Variants in EYS observed in about 807,000 individuals in gnomAD.
EYS encodes EGF-like photoreceptor maintenance factor.
A neutral mutation model predicts 282.1 loss-of-function variants in EYS; 250 were observed. The ratio of observed to expected loss-of-function variants is 0.89; its 90% CI spans 0.80 to 0.98. The LOEUF (loss-of-function observed/expected upper bound fraction) is 0.98. Among genes scored for constraint, EYS ranks in the 50% least tolerant of loss-of-function variants. EYS has a pLI of 0.00. For synonymous variants in EYS, 1,355 were observed against 1,282.9 expected (o/e 1.06, Z -1.20); for missense variants, 4,016 against 3,709.0 (o/e 1.08, Z -2.15).
At chr6:64,750,587 C>A (rs528767030) in intron 22 of EYS, among the ~76,000 whole-genome samples, 11 of 152,058 alleles carry the variant, frequency 7.2e-5, no homozygotes, top group Non-Finnish European at 1.6e-4. Flanking sequence ...CTGGATGGAT[C>A]AGCTTAAAAT....
At chr6:64,626,336 T>C in intron 22 of EYS, 91 bp from the exon 23 acceptor site, 1 of 1,442,376 alleles carries the variant, frequency 6.9e-7, no homozygotes, top group Middle Eastern at 1.8e-4. Flanking sequence ...TCAAACGTGT[T>C]TTCAGAGCTC....
intron 22 of EYS, among the ~76,000 whole-genome samples, chr6:64,784,103 TAA>T (rs538154107): frequency 2.0e-4 from 31 of 152,214 alleles, no homozygotes; most frequent in Non-Finnish European, 2.9e-4. Context: ...TCCCAACACT[TAA>T]GTTATTTTTA....
chr6:65,114,399 G>C (rs975615), intron 12 of EYS, among the ~76,000 whole-genome samples: 37,961 of 146,970 alleles, frequency 0.26, 6,341 homozygotes, highest in African/African-American at 0.44. Flanking sequence ...TTTAGTTCCA[G>C]AAGGACTTGA....
Position 63,864,242 on chromosome 6 carries a change from C to T in EYS, c.7172G>A (p.Gly2391Glu), listed in dbSNP as rs1302944100. 1 of 1,550,932 alleles carries T rather than the reference C, an allele frequency of 6.4e-7. No individual in the cohort carries two copies. The change falls in exon 36 of 43, where the codon GGA becomes GAA. Residue 2391 changes from glycine to glutamate, a missense_variant. By Grantham distance (98) the Gly-to-Glu change is moderately conservative (BLOSUM62 -2). Transcript: ENST00000503581. ...TGGGCAGAGGCAGACAATATCTGTT[C>T]CGGATTTTGGAACACAGGTGGCACC... is the stretch of plus-strand genomic sequence containing the variant. ...GNGATCVPKS[G>E]TDIVCLCPYG...
chr6:64,085,334 G>GACACACACACA (rs1562192666), intron 31 of EYS, among the ~76,000 whole-genome samples: 2 of 69,644 alleles, frequency 2.9e-5, no homozygotes, highest in African/African-American at 1.3e-4. Context: ...GTGCGCACGT[G>GACACACACACA]CGCGCGCACA....
At chr6:63,763,235 G>A (rs942926833) in intron 40 of EYS, among the ~76,000 whole-genome samples, 4 of 152,044 alleles carry the variant, frequency 2.6e-5, no homozygotes, top group Non-Finnish European at 4.4e-5. Context: ...TCTGGCTAGA[G>A]CAGAAGCTGA....
In EYS at chr6:64,695,186, G is replaced by A. The variant is rs190858700; in HGVS notation, c.3444-68941C>T. Among the ~76,000 whole-genome samples the A allele has an allele frequency of 1.2e-4, 19 of 152,052 alleles. No individual in the cohort carries two copies. In the East Asian group the frequency reaches 3.5e-3, roughly 28 times the overall value. ...AGGACTGGGACCACTGAGAGTTCCA[G>A]GGCCTAAACCATAGCCTGGGACACT... On this transcript the variant is annotated intron_variant, in intron 22 of 42. Transcript: ENST00000503581.
chr6:64,019,568 G>A (rs937225946), intron 33 of EYS, among the ~76,000 whole-genome samples: 3 of 151,852 alleles, frequency 2.0e-5, no homozygotes, highest in South Asian at 2.1e-4. Flanking sequence ...AGGCCACCAC[G>A]CCCAGCTAAT....
intron 34 of EYS, among the ~76,000 whole-genome samples, chr6:63,995,279 T>C (rs1391864986): frequency 6.6e-6 from 1 of 152,006 alleles, no homozygotes; most frequent in African/African-American, 2.4e-5. Context: ...GACATACAAA[T>C]GGCCAACAGG....
At chr6:65,491,160 A>C (rs1225963323) in intron 4 of EYS, among the ~76,000 whole-genome samples, 2 of 152,022 alleles carry the variant, frequency 1.3e-5, no homozygotes, top group African/African-American at 2.4e-5. Flanking sequence ...CTGGATTCTC[A>C]GAATATGTGC....
intron 42 of EYS, 129 bp downstream of exon 42, chr6:63,726,390 C>A: frequency 1.3e-6 from 1 of 764,538 alleles, no homozygotes; most frequent in Non-Finnish European, 2.0e-6. Context: ...CATACACTTG[C>A]AGTGACAATA....
intron 22 of EYS, among the ~76,000 whole-genome samples, chr6:64,727,422 A>G (rs1771794211): frequency 6.6e-6 from 1 of 152,172 alleles, no homozygotes; most frequent in Admixed American, 6.5e-5. Flanking sequence ...CCAGCTGTTT[A>G]CAAGTTTACT....
At chr6:64,222,862 T>C (rs1283950411) in intron 31 of EYS, among the ~76,000 whole-genome samples, 1 of 152,006 alleles carries the variant, frequency 6.6e-6, no homozygotes, top group African/African-American at 2.4e-5. Context: ...TGAATGAAAT[T>C]AGAGGCATTG....
chr6:65,020,604 T>C (rs546124782), intron 13 of EYS, among the ~76,000 whole-genome samples: 5 of 152,272 alleles, frequency 3.3e-5, no homozygotes, highest in South Asian at 2.1e-4. Flanking sequence ...TCAGTGGATT[T>C]ACCATTCTTG....
rs928359725 is a variant in EYS, at chr6:64,362,061, T to C, written c.6078+26629A>G. ...GAACATTAAGTTTAGAGAGATGATA[T>C]CAAATAGCCTGGAAGAAACCTTCAA... is the stretch of plus-strand genomic sequence containing the variant. On this transcript the variant is annotated intron_variant, in intron 29 of 42. Coordinates refer to ENST00000503581, the MANE Select transcript of EYS (RefSeq NM_001142800.2). Among the ~76,000 whole-genome samples, 3 of 151,904 alleles carry C rather than the reference T, an allele frequency of 2.0e-5. No homozygotes were observed. In the East Asian group the frequency reaches 5.8e-4, roughly 30 times the overall value.
At chr6:64,281,270 C>G (rs1047735780) in intron 30 of EYS, among the ~76,000 whole-genome samples, 2 of 152,094 alleles carry the variant, frequency 1.3e-5, no homozygotes, top group Admixed American at 6.6e-5. Flanking sequence ...AATATAGCAG[C>G]TCAAAATAAT....
intron 31 of EYS, among the ~76,000 whole-genome samples, chr6:64,107,103 A>G (rs1002488197): frequency 2.0e-5 from 3 of 150,960 alleles, no homozygotes; most frequent in African/African-American, 7.3e-5. Context: ...TGAAGCCTTC[A>G]GCATATTAAT....
Position 64,870,792 on chromosome 6 carries a change from T to C in EYS, c.2992+15905A>G, listed in dbSNP as rs948984361. Among the ~76,000 whole-genome samples the C allele has an allele frequency of 3.3e-5, 5 of 151,766 alleles. 1 individual carries two copies. The highest frequency in any genetic ancestry group is 3.3e-4 in the Admixed American group (5 of 15,194). The stretch of plus-strand genomic sequence containing the variant: ...GCTGTAAACTACAATAACAGAAATA[T>C]GAAATTCACTGGAGGGACTTAAAGG... On this transcript the variant is annotated intron_variant, in intron 19 of 42. Coordinates refer to ENST00000503581, the MANE Select transcript of EYS (RefSeq NM_001142800.2).
chr6:63,908,757 G>A (rs867333699), intron 35 of EYS, among the ~76,000 whole-genome samples: 10 of 152,090 alleles, frequency 6.6e-5, no homozygotes, highest in African/African-American at 2.4e-4. Context: ...AGCTAGAAAA[G>A]ACATTCATTT....
Sources: allele counts gnomAD v4.1 joint callset (sites outside exome capture counted in the v4.1 genomes callset), GRCh38; gene constraint gnomAD v4.1.1; transcripts MANE v1.5; gene names NCBI Gene and HGNC (gene_info 2026-07-23, HGNC 2026-07-21).